DOCK9: variants seen among roughly 807,000 people sequenced by gnomAD.
The protein encoded by DOCK9 is dedicator of cytokinesis protein 9.
DOCK9 carries 89 observed loss-of-function variants against 263.3 expected under a neutral mutation model. That is an observed-to-expected ratio of 0.34 (90% confidence interval 0.28 to 0.40). The LOEUF (loss-of-function observed/expected upper bound fraction) is 0.40. Among genes scored for constraint, DOCK9 ranks in the 10% least tolerant of loss-of-function variants. The pLI, the probability that DOCK9 is intolerant of heterozygous loss-of-function variation, is 1.00. For missense variants in DOCK9, 2,140 were observed against 2,603.4 expected, an observed-to-expected ratio of 0.82 and a Z score of 3.87; for synonymous variants, 976 against 973.1, an observed-to-expected ratio of 1.00 and a Z score of -0.06.
chr13:98,818,083 C>A (rs753587159), intron 45 of DOCK9, among the ~76,000 whole-genome samples: 21 of 152,042 alleles, frequency 1.4e-4, no homozygotes, highest in Admixed American at 1.3e-3. Context: ...CAGATTTTAC[C>A]CAATAACAAA....
At chr13:98,865,008 C>T (rs1436216473) in intron 30 of DOCK9, among the ~76,000 whole-genome samples, 3 of 152,130 alleles carry the variant, frequency 2.0e-5, no homozygotes, top group Admixed American at 6.6e-5. Context: ...CCAATGTTGG[C>T]GCCATGCTTC....
chr13:99,007,291 G>C (rs963961874), intron 1 of DOCK9, among the ~76,000 whole-genome samples: 8 of 151,954 alleles, frequency 5.3e-5, no homozygotes, highest in African/African-American at 9.7e-5. Flanking sequence ...GGGAGGCTGA[G>C]GCACAAGAAT....
chr13:99,022,442 T>A (rs1302138962), intron 1 of DOCK9, among the ~76,000 whole-genome samples: 5 of 152,178 alleles, frequency 3.3e-5, no homozygotes, highest in African/African-American at 1.2e-4. Flanking sequence ...TGCCAGAATG[T>A]CAGGGTGGCA....
intron 1 of DOCK9, among the ~76,000 whole-genome samples, chr13:99,062,121 C>G (rs935671013): frequency 2.6e-5 from 4 of 152,134 alleles, no homozygotes; most frequent in African/African-American, 9.7e-5. Flanking sequence ...GTCCTCCCAC[C>G]TTGGTCTCTG....
In DOCK9 at chr13:98,938,434, T is replaced by C. The variant is rs532418636; in HGVS notation, c.244-8177A>G. Reference sequence around the variant, plus strand: ...TAAAAATCCCACAGTTCTGTGAATATGGAATTCTAAGTCTGTTCCTCTCAA... The same window carrying C: ...TAAAAATCCCACAGTTCTGTGAATACGGAATTCTAAGTCTGTTCCTCTCAA... On this transcript the variant is annotated intron_variant, in intron 2 of 52. Coordinates refer to ENST00000682017, the MANE Select transcript of DOCK9 (RefSeq NM_001366683.2). Among the ~76,000 whole-genome samples the C allele has an allele frequency of 1.5e-4, 23 of 152,320 alleles. No homozygotes were observed. The South Asian group carries it at 4.8e-3, about 32-fold the overall frequency.
At chr13:99,037,928 C>T (rs1481366744) in intron 1 of DOCK9, among the ~76,000 whole-genome samples, 1 of 152,000 alleles carries the variant, frequency 6.6e-6, no homozygotes, top group Non-Finnish European at 1.5e-5. Context: ...TGTTAGATTA[C>T]CTAAGGATGA....
At chr13:98,994,341 G>T (rs1481913745) in intron 1 of DOCK9, among the ~76,000 whole-genome samples, 1 of 152,206 alleles carries the variant, frequency 6.6e-6, no homozygotes, top group African/African-American at 2.4e-5. Context: ...GCACTATCTG[G>T]AAGCATTTTT....
At chr13:99,077,046 G>A (rs1381043135) in intron 1 of DOCK9, among the ~76,000 whole-genome samples, 4 of 152,110 alleles carry the variant, frequency 2.6e-5, no homozygotes, top group Non-Finnish European at 5.9e-5. Flanking sequence ...TTACCTCCTG[G>A]AGTATGAGAG....
chr13:98,950,961 G>A (rs2057342632), intron 2 of DOCK9, among the ~76,000 whole-genome samples: 1 of 152,186 alleles, frequency 6.6e-6, no homozygotes, highest in South Asian at 2.1e-4. Flanking sequence ...TGATGGAAAA[G>A]GCAGGCGTCC....
intron 9 of DOCK9, among the ~76,000 whole-genome samples, chr13:98,910,491 G>A (rs936549653): frequency 6.6e-6 from 1 of 152,112 alleles, no homozygotes; most frequent in African/African-American, 2.4e-5. Context: ...CTGAAAACCT[G>A]GGTTTACATC....
At chr13:98,875,907 G>A (rs138155224) in intron 27 of DOCK9, among the ~76,000 whole-genome samples, 1 of 152,238 alleles carries the variant, frequency 6.6e-6, no homozygotes, top group Non-Finnish European at 1.5e-5. Context: ...TTGGTTGGCT[G>A]GGGACAAGAA....
intron 1 of DOCK9, among the ~76,000 whole-genome samples, chr13:98,955,995 A>G (rs2058012552): frequency 6.6e-6 from 1 of 152,198 alleles, no homozygotes; most frequent in South Asian, 2.1e-4. Context: ...ATTTCAGACA[A>G]GGGGCTCCAA....
intron 33 of DOCK9, chr13:98,858,675 G>A (rs1229134133): frequency 1.3e-5 from 2 of 152,220 alleles, no homozygotes; most frequent in Non-Finnish European, 2.9e-5. Flanking sequence ...GCCTGTCGAG[G>A]TGAATTCCTA....
rs763236986 is a variant in DOCK9, at chr13:98,990,546, G to A, written c.130-34995C>T. Among the ~76,000 whole-genome samples the A allele has an allele frequency of 5.3e-5, 8 of 152,284 alleles. No homozygotes were observed. The South Asian group carries it at 1.7e-3, about 32-fold the overall frequency. ...CAGCTTATAGCTCTTCATTAATTTGGGGAAAAACATGAGACTTCTAGATTA... is the reference window on the plus strand; with the variant it reads ...CAGCTTATAGCTCTTCATTAATTTGAGGAAAAACATGAGACTTCTAGATTA... On this transcript the variant is annotated intron_variant, in intron 1 of 32. Coordinates refer to the DOCK9 transcript ENST00000427887.
chr13:98,854,457 A>T (rs1303077354), intron 34 of DOCK9: 1 of 151,964 alleles, frequency 6.6e-6, no homozygotes, highest in Non-Finnish European at 1.5e-5. Flanking sequence ...TTAATAAAAT[A>T]TGTGAATATT....
chr13:98,918,344 G>A (rs2051247417), intron 7 of DOCK9, among the ~76,000 whole-genome samples: 1 of 151,986 alleles, frequency 6.6e-6, no homozygotes, highest in African/African-American at 2.4e-5. Context: ...AGAATGACGG[G>A]AAATAAAACA....
At chr13:98,955,580 T>G in intron 1 of DOCK9, 29 bp from the exon 2 acceptor site, 1 of 1,446,420 alleles carries the variant, frequency 6.9e-7, no homozygotes, top group Non-Finnish European at 9.5e-7. Flanking sequence ...AGCAAGACAT[T>G]CTCATACACA....
At chr13:99,042,605 C>T (rs1453197415) in intron 1 of DOCK9, among the ~76,000 whole-genome samples, 1 of 152,216 alleles carries the variant, frequency 6.6e-6, no homozygotes. Flanking sequence ...CAGCAATCTC[C>T]TGTCAAAAGA....
At chr13:98,882,852 T>G (rs1450478811) in intron 23 of DOCK9, among the ~76,000 whole-genome samples, 190 bp downstream of exon 23, 5 of 152,242 alleles carry the variant, frequency 3.3e-5, no homozygotes, top group Non-Finnish European at 7.3e-5. Flanking sequence ...TACATGGGAC[T>G]AGGACACAGG....
Sources: allele counts gnomAD v4.1 joint callset (sites outside exome capture counted in the v4.1 genomes callset), GRCh38; gene constraint gnomAD v4.1.1; transcripts MANE v1.5; gene names NCBI Gene and HGNC (gene_info 2026-07-23, HGNC 2026-07-21).